Variants in TMEM74 observed in about 807,000 individuals in gnomAD.
The protein encoded by TMEM74 is transmembrane protein 74.
TMEM74 carries 13 observed loss-of-function variants against 18.1 expected under a neutral mutation model. That is an observed-to-expected ratio of 0.72 (90% CI 0.47 to 1.14). The LOEUF is 1.14. TMEM74 is among the 50% of genes most tolerant of loss of function. The probability of loss-of-function intolerance (pLI) is 0.00; values close to 1 mark genes in which losing one functional copy is unlikely to be tolerated. For synonymous variants in TMEM74, 159 were observed against 146.6 expected, an observed-to-expected ratio of 1.08 and a Z score of -0.61; for missense variants, 372 against 375.9, an observed-to-expected ratio of 0.99 and a Z score of 0.09.
rs1218144692 is a variant in TMEM74, at chr8:108,756,625, AG to A, written n.119+30850del. Among the ~76,000 whole-genome samples, 804 of 96,812 alleles carry A rather than the reference AG, an allele frequency of 8.3e-3. 37 individuals carry two copies. The highest frequency in any genetic ancestry group is 0.035 in the African/African-American group (760 of 21,808). The allele number at this position is 96,812 out of a possible 152,430, so 63.5% of individuals were successfully genotyped here. A position where few individuals can be genotyped will look rare whatever the true frequency, so the allele number is the denominator to read the frequency against. On this transcript the variant is annotated intron_variant and non_coding_transcript_variant, in intron 1 of 3. Coordinates refer to the TMEM74 transcript ENST00000518838. Reference sequence around the variant, plus strand: ...AAGGAAGGAAGGAAGGAAGGAAGGAAGGAAGGAAGGAAGGAAGAAAGAAAGA... The same window carrying A: ...AAGGAAGGAAGGAAGGAAGGAAGGAAGAAGGAAGGAAGGAAGAAAGAAAGA...
Position 108,695,565 on chromosome 8 carries a change from G to A in TMEM74, n.120-40128C>T, listed in dbSNP as rs116791974. On this transcript the variant is annotated intron_variant and non_coding_transcript_variant, in intron 1 of 3. Coordinates refer to the TMEM74 transcript ENST00000518838. ...GGGAGGCACAATATGCAGGTAAGTC[G>A]TGATCCACCCTTAGCCTAGGTAGCA... 7.4e-3 allele frequency among the ~76,000 whole-genome samples: 1,120 copies of A among 152,216 alleles called. 16 individuals carry two copies. The highest frequency in any genetic ancestry group is 0.026 in the African/African-American group (1,063 of 41,530).
chr8:108,652,439 T>C lies in TMEM74; in HGVS notation n.264+2854A>G, dbSNP rs1292393134. ...ACCTGGAATATCTGAAATATCTGAA[T>C]ACCTAAAATATCTGAGAGCTTTCAG... On this transcript the variant is annotated intron_variant and non_coding_transcript_variant, in intron 2 of 3. Coordinates refer to the TMEM74 transcript ENST00000518838. 7 of 341,998 alleles carry C rather than the reference T, an allele frequency of 2.0e-5. No individual in the cohort carries two copies. In the South Asian group the frequency reaches 2.6e-4, roughly 13 times the overall value. The allele number at this position is 341,998 out of a possible 1,614,324, so 21.2% of individuals were successfully genotyped here. A position where few individuals can be genotyped will look rare whatever the true frequency, so the allele number is the denominator to read the frequency against.
rs543551936 is a variant in TMEM74, at chr8:108,676,636, G to A, written n.120-21199C>T. ...AATATTTTTCACCCTCTAGTAAAAT[G>A]TGTAATGTATATTATATTTATATTT... On this transcript the variant is annotated intron_variant and non_coding_transcript_variant, in intron 1 of 3. Transcript: ENST00000518838. Among the ~76,000 whole-genome samples, 3 of 152,230 alleles carry A rather than the reference G, an allele frequency of 2.0e-5. No individual in the cohort carries two copies. The South Asian group carries it at 6.2e-4, about 32-fold the overall frequency.
At position 108,769,950 on chromosome 8, in the gene TMEM74, C is replaced by CTT. The variant is rs202033037; in HGVS notation, n.119+17524_119+17525dup. Among the ~76,000 whole-genome samples the CTT allele has an allele frequency of 4.2e-3, 600 of 144,326 alleles. 4 individuals carry two copies. The highest frequency in any genetic ancestry group is 0.013 in the African/African-American group (531 of 39,632). The allele number at this position is 144,326 out of a possible 152,430, so 94.7% of individuals were successfully genotyped here. A position where few individuals can be genotyped will look rare whatever the true frequency, so the allele number is the denominator to read the frequency against. On this transcript the variant is annotated intron_variant and non_coding_transcript_variant, in intron 1 of 3. Transcript: ENST00000518838. ...CAGTTTCCAATTTCCCTTCTAGCATCTTTTTTTTTTTTTAAACCTGGTATT... is the reference window on the plus strand; with the variant it reads ...CAGTTTCCAATTTCCCTTCTAGCATCTTTTTTTTTTTTTTTAAACCTGGTATT...
intron 2 of TMEM74, among the ~76,000 whole-genome samples, chr8:108,640,236 G>A (rs1316207845): frequency 4.0e-5 from 6 of 148,640 alleles, no homozygotes; most frequent in Admixed American, 2.7e-4. Context: ...GGGTTCAAGC[G>A]ATTCTCCTGC....
At chr8:108,626,752 T>C (rs139276895) in intron 2 of TMEM74, 6 of 152,174 alleles carry the variant, frequency 3.9e-5, no homozygotes, top group African/African-American at 1.2e-4. Context: ...ATTCAATGTT[T>C]TCTTGCTAGA....
chr8:108,741,432 T>C (rs1813799155), intron 1 of TMEM74, among the ~76,000 whole-genome samples: 1 of 152,206 alleles, frequency 6.6e-6, no homozygotes, highest in African/African-American at 2.4e-5. Flanking sequence ...TATGAAATGC[T>C]ATTTAAAAAT....
At chr8:108,651,880 G>A (rs2935755) in intron 2 of TMEM74, among the ~76,000 whole-genome samples, 20,093 of 151,830 alleles carry the variant, frequency 0.13, 1,456 homozygotes, top group East Asian at 0.28. Context: ...CTGGTGAGCT[G>A]GAGAGTACGT....
chr8:108,666,068 A>T (rs1485881971), intron 1 of TMEM74, among the ~76,000 whole-genome samples: 1 of 152,192 alleles, frequency 6.6e-6, no homozygotes, highest in Non-Finnish European at 1.5e-5. Context: ...AAATCACCAC[A>T]GAATGAAACA....
rs190342588 is a variant in TMEM74, at chr8:108,719,125, T to C, written n.120-63688A>G. ...AGAGTAGAGCAGTTTTTAGAAGACA[T>C]TTACTTTGAAATACTTTTTACTCTG... On this transcript the variant is annotated intron_variant and non_coding_transcript_variant, in intron 1 of 3. Transcript: ENST00000518838. 2.8e-3 allele frequency among the ~76,000 whole-genome samples: 430 copies of C among 152,180 alleles called. 1 individual carries two copies. Among genetic ancestry groups the C allele is most frequent in the African/African-American group, 0.01 (416 of 41,538 alleles).
At chr8:108,725,861 T>C (rs1362060521) in intron 1 of TMEM74, among the ~76,000 whole-genome samples, 2 of 152,202 alleles carry the variant, frequency 1.3e-5, no homozygotes, top group Non-Finnish European at 2.9e-5. Flanking sequence ...TCTAAGGTGC[T>C]ATAAATTACT....
intron 1 of TMEM74, among the ~76,000 whole-genome samples, chr8:108,751,331 C>T (rs2130653058): frequency 6.6e-6 from 1 of 152,208 alleles, no homozygotes; most frequent in Non-Finnish European, 1.5e-5. Flanking sequence ...ATACATTGTG[C>T]ATCTCATTCC....
rs546545887 is a variant in TMEM74 at position 108,787,581 on chromosome 8, C to T, written c.-145G>A. ...AGCTACGGCACTTGTAGCCTCTGCA[C>T]GCCGCTCGGCTCCGCCGGGTGGGCA... On this transcript the variant is annotated 5_prime_UTR_variant, in exon 1 of 2. In the 5' UTR this introduces an upstream ATG that the reference lacks. Coordinates refer to ENST00000297459, the MANE Select transcript of TMEM74 (RefSeq NM_153015.3). 6.6e-6 allele frequency: 1 copy of T among 152,162 alleles called. No individual in the cohort carries two copies. Among genetic ancestry groups the T allele is most frequent in the South Asian group, 2.1e-4 (1 of 4,832 alleles). 9.4% of individuals were successfully genotyped at this position (152,162 alleles called of 1,614,324 possible).
chr8:108,706,776 G>GTGTGT, intron 1 of TMEM74, among the ~76,000 whole-genome samples: 1 of 144,972 alleles, frequency 6.9e-6, no homozygotes, highest in East Asian at 2.1e-4. Context: ...AATTACAAGG[G>GTGTGT]GTGTGTGTGT....
chr8:108,761,852 C>T (rs2130662778), intron 1 of TMEM74, among the ~76,000 whole-genome samples: 1 of 151,904 alleles, frequency 6.6e-6, no homozygotes, highest in African/African-American at 2.4e-5. Flanking sequence ...CTCTCTGTTC[C>T]AAAAAAATTC....
chr8:108,770,821 C>T (rs1362609909), intron 1 of TMEM74, among the ~76,000 whole-genome samples: 3 of 152,132 alleles, frequency 2.0e-5, no homozygotes, highest in Non-Finnish European at 4.4e-5. Context: ...TGGGTCCTCC[C>T]ACCTTGCTTC....
intron 1 of TMEM74, among the ~76,000 whole-genome samples, chr8:108,708,154 G>A (rs1009441038): frequency 2.0e-5 from 3 of 152,154 alleles, no homozygotes; most frequent in East Asian, 1.9e-4. Flanking sequence ...GTGTTAGGTC[G>A]CTTAGGATAA....
chr8:108,678,071 G>A (rs1813071901), intron 1 of TMEM74, among the ~76,000 whole-genome samples: 1 of 151,976 alleles, frequency 6.6e-6, no homozygotes, highest in African/African-American at 2.4e-5. Flanking sequence ...TCTCTTGGAG[G>A]GGATGCTACT....
intron 2 of TMEM74, among the ~76,000 whole-genome samples, chr8:108,622,029 A>C (rs891533389): frequency 3.3e-5 from 5 of 152,136 alleles, no homozygotes; most frequent in Non-Finnish European, 7.4e-5. Flanking sequence ...CCACAACCAA[A>C]TTCTGCTCTT....
Sources: gnomAD v4.1 joint callset for allele counts (sites outside exome capture counted in the v4.1 genomes callset) on GRCh38, gnomAD v4.1.1 for gene constraint, MANE v1.5 for transcripts, NCBI Gene and HGNC (gene_info 2026-07-23, HGNC 2026-07-21) for gene names.